The following CSMD2 variants were observed in gnomAD, a reference collection of about 807,000 sequenced individuals.
CSMD2 encodes the protein CUB and Sushi multiple domains 2, also known as CUB and sushi domain-containing protein 2.
A neutral mutation model predicts 398.5 loss-of-function variants in CSMD2; 130 were observed. The ratio of observed to expected loss-of-function variants is 0.33; its 90% CI spans 0.28 to 0.38. CSMD2 has a LOEUF of 0.38. Among genes scored for constraint, CSMD2 ranks in the 10% least tolerant of loss-of-function variants. The pLI is 1.00. For missense variants in CSMD2, 3,829 were observed against 4,764.9 expected, an observed-to-expected ratio of 0.80 and a Z score of 5.78; for synonymous variants, 1,828 against 1,908.5, an observed-to-expected ratio of 0.96 and a Z score of 1.10.
chr1:33,864,095 T>C (rs961267189), intron 5 of CSMD2: 4 of 1,221,294 alleles, frequency 3.3e-6, no homozygotes, highest in Middle Eastern at 2.9e-4. Flanking sequence ...AAAAATTCGC[T>C]GCAAGTACAG....
intron 5 of CSMD2, among the ~76,000 whole-genome samples, chr1:33,900,140 C>T (rs1199619340): frequency 1.3e-5 from 2 of 152,230 alleles, no homozygotes; most frequent in East Asian, 1.9e-4. Context: ...GCTGGATTTA[C>T]AAGCTGGGAA....
intron 15 of CSMD2, among the ~76,000 whole-genome samples, chr1:33,727,531 A>T (rs930062253): frequency 1.3e-5 from 2 of 152,194 alleles, no homozygotes; most frequent in East Asian, 3.9e-4. Flanking sequence ...AAGTTATGCA[A>T]GGTCACGTGA....
At chr1:34,130,103 T>C (rs896377818) in intron 1 of CSMD2, among the ~76,000 whole-genome samples, 2 of 152,260 alleles carry the variant, frequency 1.3e-5, no homozygotes, top group African/African-American at 2.4e-5. Context: ...CTGATAAATA[T>C]TTATCAAGTG....
intron 13 of CSMD2, among the ~76,000 whole-genome samples, chr1:33,761,640 C>T (rs914895782): frequency 1.1e-4 from 16 of 152,130 alleles, no homozygotes; most frequent in Non-Finnish European, 2.1e-4. Flanking sequence ...CACTTGAGCC[C>T]CTGAGCTCTG....
In CSMD2 at chr1:33,625,033, CG is replaced by C; in HGVS notation, c.5500+17del. 6.2e-7 allele frequency: 1 copy of C among 1,613,256 alleles called. No individual in the cohort carries two copies. Among genetic ancestry groups the C allele is most frequent in the Non-Finnish European group, 8.5e-7 (1 of 1,179,442 alleles). On this transcript the variant is annotated intron_variant, in intron 34 of 70. Transcript: ENST00000373381. ...TGCCGCCCCCCGCACCCTCAACGCC[CG>C]GGTCCTGGTTACTCACCCACACACG...
At chr1:33,542,407 A>T (rs1458292656) in intron 58 of CSMD2, among the ~76,000 whole-genome samples, 1 of 152,242 alleles carries the variant, frequency 6.6e-6, no homozygotes, top group African/African-American at 2.4e-5. Context: ...GAGCCTGAGA[A>T]ATGGCCAACA....
intron 56 of CSMD2, among the ~76,000 whole-genome samples, chr1:33,547,084 A>G (rs1353291706): frequency 6.6e-6 from 1 of 152,158 alleles, no homozygotes; most frequent in Non-Finnish European, 1.5e-5. Flanking sequence ...CTCACAAATT[A>G]TGCCATACAA....
intron 52 of CSMD2, among the ~76,000 whole-genome samples, chr1:33,568,922 T>C (rs1659319203): frequency 6.6e-6 from 1 of 152,220 alleles, no homozygotes. Context: ...GATAACTTTG[T>C]CCTTTGGAAG....
intron 25 of CSMD2, among the ~76,000 whole-genome samples, chr1:33,679,569 G>A (rs1644835303): frequency 6.6e-6 from 1 of 152,180 alleles, no homozygotes; most frequent in Admixed American, 6.5e-5. Flanking sequence ...GTGTAAAATG[G>A]CTGTAATTTC....
rs1289217326 is a variant in CSMD2, at chr1:33,617,541, A to G, written c.5904T>C (p.Asn1968=). The part of the protein sequence containing the change: ...GVKTGERYLV[N]DVVSFQCEPG... ...GCTCACACTGGAAAGACACCACATCATTCACCAAGTAGCGCTCGCCAGTCT... is the reference window on the plus strand; with the variant it reads ...GCTCACACTGGAAAGACACCACATCGTTCACCAAGTAGCGCTCGCCAGTCT... Residue 1968 remains asparagine, a synonymous_variant, in exon 38 of 71, where the codon AAT becomes AAC. Transcript: ENST00000373381. 2.5e-6 allele frequency: 4 copies of G among 1,613,960 alleles called. No individual in the cohort carries two copies. The highest frequency in any genetic ancestry group is 1.3e-5 in the African/African-American group (1 of 74,896).
chr1:33,556,389 G>A (rs890959626), intron 55 of CSMD2, among the ~76,000 whole-genome samples: 12 of 152,150 alleles, frequency 7.9e-5, no homozygotes, highest in Non-Finnish European at 1.0e-4. Context: ...CCACGAGGGC[G>A]TAAAAAAATG....
intron 2 of CSMD2, among the ~76,000 whole-genome samples, chr1:34,034,918 A>G (rs1226451192): frequency 6.6e-6 from 1 of 152,184 alleles, no homozygotes; most frequent in Non-Finnish European, 1.5e-5. Context: ...AGAAAACGGT[A>G]AACAGGAGGA....
chr1:33,535,559 G>C (rs1466755401), intron 62 of CSMD2, among the ~76,000 whole-genome samples: 1 of 152,082 alleles, frequency 6.6e-6, no homozygotes, highest in Non-Finnish European at 1.5e-5. Flanking sequence ...CTGTTTCTTG[G>C]TGACATGTGC....
rs368394490 is a variant in CSMD2, at chr1:33,518,391, G to A, written c.*53+1074C>T. 4.5e-4 allele frequency among the ~76,000 whole-genome samples: 6 copies of A among 13,424 alleles called. No homozygotes were observed. Among genetic ancestry groups the A allele is most frequent in the South Asian group, 2.6e-3 (1 of 390 alleles). 8.8% of individuals were successfully genotyped at this position (13,424 alleles called of 152,430 possible). ...CATGCCTGTGTGCATGTATGCGTAT[G>A]TGTGTGTGTGTGTGTGCATGACCGT... On this transcript the variant is annotated intron_variant, in intron 70 of 70. Coordinates refer to ENST00000373381, the MANE Select transcript of CSMD2 (RefSeq NM_001281956.2). This position sits in a 1 kb window ranked among gnomAD's most constrained non-coding sequence, Gnocchi z 4.3.
chr1:33,846,137 G>A (rs1570244765), intron 6 of CSMD2, among the ~76,000 whole-genome samples: 1 of 152,214 alleles, frequency 6.6e-6, no homozygotes, highest in South Asian at 2.1e-4. Flanking sequence ...TCTATCAGCT[G>A]GATTTTTGGA....
chr1:33,562,570 A>G (rs1658671813), intron 53 of CSMD2, among the ~76,000 whole-genome samples: 1 of 152,178 alleles, frequency 6.6e-6, no homozygotes, highest in African/African-American at 2.4e-5. Context: ...CAACCGTCTC[A>G]AGCAGCATGG....
intron 19 of CSMD2, among the ~76,000 whole-genome samples, chr1:33,723,363 G>T (rs879926254): frequency 6.6e-6 from 1 of 152,210 alleles, no homozygotes; most frequent in Non-Finnish European, 1.5e-5. Flanking sequence ...CTAAGCATTA[G>T]TGTATTTGCC....
intron 44 of CSMD2, among the ~76,000 whole-genome samples, chr1:33,590,214 T>C (rs566267338): frequency 1.3e-5 from 2 of 151,702 alleles, no homozygotes; most frequent in Non-Finnish European, 2.9e-5. Context: ...CTTGACCTCC[T>C]GGGCTTAAGC....
chr1:33,844,017 C>G lies in CSMD2; in HGVS notation c.1033+2867G>C, dbSNP rs369720379. 6.6e-5 allele frequency among the ~76,000 whole-genome samples: 10 copies of G among 152,290 alleles called. No individual in the cohort carries two copies. The East Asian group carries it at 1.9e-3, about 29-fold the overall frequency. ...CCATCTCTTGCGGGCTCCTTTGACTCCACCCTCACCTCTGTACATTGTGCC... is the reference window on the plus strand; with the variant it reads ...CCATCTCTTGCGGGCTCCTTTGACTGCACCCTCACCTCTGTACATTGTGCC... On this transcript the variant is annotated intron_variant, in intron 6 of 70. Transcript: ENST00000373381.
Sources: gnomAD v4.1 joint callset for allele counts (sites outside exome capture counted in the v4.1 genomes callset) on GRCh38, gnomAD v4.1.1 for gene constraint, Gnocchi (gnomAD v3.1) non-coding constraint, MANE v1.5 for transcripts, NCBI Gene and HGNC (gene_info 2026-07-23, HGNC 2026-07-21) for gene names.